Variants in ALDH1A2 observed in about 807,000 individuals in gnomAD.
ALDH1A2 encodes retinal dehydrogenase 2.
A neutral mutation model predicts 60.3 loss-of-function variants in ALDH1A2; 27 were observed. That is an observed-to-expected ratio of 0.45 (90% confidence interval 0.33 to 0.62). ALDH1A2 has a LOEUF of 0.62. Among genes scored for constraint, ALDH1A2 ranks in the 20% least tolerant of loss-of-function variants. The pLI is 0.02. For missense variants in ALDH1A2, 581 were observed against 643.8 expected, an observed-to-expected ratio of 0.90 and a Z score of 1.06; for synonymous variants, 289 against 232.4, an observed-to-expected ratio of 1.24 and a Z score of -2.21.
chr15:57,969,188 T>G (rs1215058623), intron 7 of ALDH1A2, among the ~76,000 whole-genome samples: 2 of 152,216 alleles, frequency 1.3e-5, no homozygotes, highest in Admixed American at 6.5e-5. Context: ...TCAACACATA[T>G]TCATAGTTCT....
chr15:58,038,007 C>T (rs1896420684), intron 1 of ALDH1A2, among the ~76,000 whole-genome samples: 1 of 151,450 alleles, frequency 6.6e-6, no homozygotes. Context: ...CCCCGTGGGG[C>T]CTTCCCCTTC....
At position 57,992,713 on chromosome 15, in the gene ALDH1A2, A is replaced by G. The variant is rs1177361175; in HGVS notation, c.790T>C (p.Ser264Pro). 1 of 1,614,026 alleles carries G rather than the reference A, an allele frequency of 6.2e-7. No individual in the cohort carries two copies. Among genetic ancestry groups the G allele is most frequent in the South Asian group, 1.1e-5 (1 of 91,084 alleles). The change falls in exon 7 of 13, where the codon TCT becomes CCT. Residue 264 changes from serine to proline, a missense_variant. Physicochemically the swap from Ser to Pro is moderately conservative, Grantham distance 74. Transcript: ENST00000249750. ...IGIDKIAFTG[S>P]TEVGKLIQEA... ...GTTTTTCAGATACCTACCTCAGTAG[A>G]CCCTGTGAATGCAATCTTGTCTATG...
At chr15:57,997,541 T>C (rs1441829) in intron 4 of ALDH1A2, among the ~76,000 whole-genome samples, 64,488 of 151,664 alleles carry the variant, frequency 0.43, 14,808 homozygotes, top group Non-Finnish European at 0.53. Context: ...TGTAGGAACC[T>C]GGAATGGTTC....
At chr15:57,981,431 T>C (rs1026583238) in intron 7 of ALDH1A2, among the ~76,000 whole-genome samples, 25 of 152,058 alleles carry the variant, frequency 1.6e-4, no homozygotes, top group African/African-American at 5.6e-4. Flanking sequence ...GAGAGCAGAA[T>C]GTAGTTATTG....
chr15:57,976,849 C>T (rs1595628979), intron 7 of ALDH1A2, among the ~76,000 whole-genome samples: 1 of 152,302 alleles, frequency 6.6e-6, no homozygotes, highest in Admixed American at 6.5e-5. Context: ...CCATCTTCCA[C>T]AATGGTTGAA....
intron 4 of ALDH1A2, 106 bp from the exon 5 acceptor site, chr15:57,995,245 A>C: frequency 1.2e-6 from 1 of 815,980 alleles, no homozygotes; most frequent in Non-Finnish European, 2.0e-6. Flanking sequence ...AACAAACAGA[A>C]ATAAACTTGA....
rs1247660308 is a variant in ALDH1A2 at position 57,955,179 on chromosome 15, T to C, written c.*18A>G. 1 of 1,613,254 alleles carries C rather than the reference T, an allele frequency of 6.2e-7. No homozygotes were observed. Among genetic ancestry groups the C allele is most frequent in the South Asian group, 1.1e-5 (1 of 91,070 alleles). On this transcript the variant is annotated 3_prime_UTR_variant, in exon 13 of 13. Coordinates refer to ENST00000249750, the MANE Select transcript of ALDH1A2 (RefSeq NM_003888.4). ...GGACAGACGTGCAGGCTGGGCTTCA[T>C]CCTCCTTCTTGGCCTTCTTAGGAGT...
intron 4 of ALDH1A2, among the ~76,000 whole-genome samples, chr15:58,002,728 T>C: frequency 6.6e-6 from 1 of 151,918 alleles, no homozygotes; most frequent in East Asian, 1.9e-4. Flanking sequence ...AGCATAAAAA[T>C]CTGTAACACA....
At chr15:58,020,670 C>A (rs1378997962) in intron 1 of ALDH1A2, among the ~76,000 whole-genome samples, 1 of 152,062 alleles carries the variant, frequency 6.6e-6, no homozygotes, top group Non-Finnish European at 1.5e-5. Context: ...TAACCACTAA[C>A]CTGTATTTTT....
intron 1 of ALDH1A2, among the ~76,000 whole-genome samples, chr15:58,055,345 G>A (rs1353412874): frequency 6.6e-6 from 1 of 152,036 alleles, no homozygotes; most frequent in Admixed American, 6.6e-5. Flanking sequence ...AAAAGCCGTA[G>A]CTATTAAAAT....
intron 4 of ALDH1A2, among the ~76,000 whole-genome samples, chr15:58,001,271 A>G (rs1452411694): frequency 6.6e-6 from 1 of 151,962 alleles, no homozygotes; most frequent in African/African-American, 2.4e-5. Context: ...TTCTTTACCC[A>G]TAAAAACATA....
chr15:57,958,202 G>A (rs1185761018), intron 12 of ALDH1A2, among the ~76,000 whole-genome samples: 2 of 91,704 alleles, frequency 2.2e-5, no homozygotes, highest in South Asian at 2.8e-4. Context: ...GTATGCATGC[G>A]TGTACACGCA....
At chr15:58,060,498 T>A (rs1260055604) in intron 1 of ALDH1A2, among the ~76,000 whole-genome samples, 1 of 121,848 alleles carries the variant, frequency 8.2e-6, no homozygotes, top group Non-Finnish European at 1.6e-5. Context: ...TGCTGTTGCA[T>A]CCCTAGGACC....
At chr15:58,031,107 T>G (rs927854546) in intron 1 of ALDH1A2, among the ~76,000 whole-genome samples, 6 of 151,998 alleles carry the variant, frequency 3.9e-5, no homozygotes, top group African/African-American at 1.4e-4. Context: ...AGAGGCATCA[T>G]GCTACCTGAC....
intron 1 of ALDH1A2, among the ~76,000 whole-genome samples, chr15:58,043,348 C>T (rs1595686111): frequency 6.6e-6 from 1 of 151,976 alleles, no homozygotes; most frequent in East Asian, 1.9e-4. Flanking sequence ...TCCCTTACAA[C>T]CCTTGAGTTC....
chr15:57,977,714 T>C (rs916145186), intron 7 of ALDH1A2, among the ~76,000 whole-genome samples: 22 of 152,210 alleles, frequency 1.4e-4, no homozygotes, highest in African/African-American at 5.3e-4. Flanking sequence ...TTTGATTCCA[T>C]ATGAAATTTA....
At chr15:57,971,427 A>G (rs1006884976) in intron 7 of ALDH1A2, among the ~76,000 whole-genome samples, 1 of 152,184 alleles carries the variant, frequency 6.6e-6, no homozygotes, top group Non-Finnish European at 1.5e-5. Flanking sequence ...AAAAATATGC[A>G]TATGTACACA....
Position 57,954,009 on chromosome 15 carries a change from T to C in ALDH1A2, c.*1188A>G, listed in dbSNP as rs36075327. 9.6e-3 allele frequency: 1,458 copies of C among 152,570 alleles called. 14 individuals are homozygous for C. The highest frequency in any genetic ancestry group is 0.024 in the Middle Eastern group (7 of 294). The allele number at this position is 152,570 out of a possible 1,614,324, so 9.5% of individuals were successfully genotyped here. Reference sequence around the variant, plus strand: ...TTTACTCCCTGCAAGCTGTAGGCCATGGCCTGCCCAGTGAGGGGCAAGAAT... The same window carrying C: ...TTTACTCCCTGCAAGCTGTAGGCCACGGCCTGCCCAGTGAGGGGCAAGAAT... On this transcript the variant is annotated 3_prime_UTR_variant, in exon 13 of 13. Transcript: ENST00000249750.
At chr15:57,973,529 T>G (rs1237873620) in intron 7 of ALDH1A2, among the ~76,000 whole-genome samples, 5 of 152,226 alleles carry the variant, frequency 3.3e-5, no homozygotes, top group Non-Finnish European at 5.9e-5. Context: ...ACTTCTCAGG[T>G]AGCCTGCAAA....
Sources: allele counts gnomAD v4.1 joint callset (sites outside exome capture counted in the v4.1 genomes callset), GRCh38; gene constraint gnomAD v4.1.1; transcripts MANE v1.5; gene names NCBI Gene and HGNC (gene_info 2026-07-23, HGNC 2026-07-21).